Variants in NOX4 observed in about 807,000 individuals in gnomAD.
The protein encoded by NOX4 is NADPH oxidase 4.
A neutral mutation model predicts 87.6 loss-of-function variants in NOX4; 69 were observed. The ratio of observed to expected loss-of-function variants is 0.79; its 90% CI spans 0.65 to 0.96. The LOEUF is 0.96. Among genes scored for constraint, NOX4 ranks in the 40% least tolerant of loss-of-function variants. NOX4 has a pLI of 0.00. For synonymous variants in NOX4, 275 were observed against 238.2 expected (o/e 1.15, Z -1.42); for missense variants, 680 against 681.5 (o/e 1.00, Z 0.02).
intron 8 of NOX4, among the ~76,000 whole-genome samples, chr11:89,418,916 A>G (rs1942939191): frequency 6.6e-6 from 1 of 152,178 alleles, no homozygotes; most frequent in Non-Finnish European, 1.5e-5. Flanking sequence ...AAGTCTGCTT[A>G]GGTAGAAAAA....
chr11:89,578,029 T>A, the NOX4 span, among the ~76,000 whole-genome samples: 1 of 152,094 alleles, frequency 6.6e-6, no homozygotes, highest in Non-Finnish European at 1.5e-5. Flanking sequence ...ATACCGTATG[T>A]TTTCTTAGGG....
chr11:89,533,848 G>A, the NOX4 span: 1 of 152,154 alleles, frequency 6.6e-6, no homozygotes, highest in East Asian at 1.9e-4. Context: ...TCTATCCCAG[G>A]TTGTCTCTGC....
the NOX4 span, among the ~76,000 whole-genome samples, chr11:89,584,787 GTAT>G: frequency 6.6e-6 from 1 of 152,042 alleles, no homozygotes; most frequent in African/African-American, 2.4e-5. Context: ...ATAAGATAAT[GTAT>G]ATACATATAT....
rs565870712 is a variant in NOX4 at position 89,370,371 on chromosome 11, G to A, written c.1135+3061C>T. 1.8e-3 allele frequency among the ~76,000 whole-genome samples: 271 copies of A among 151,714 alleles called. 1 individual carries two copies. The highest frequency in any genetic ancestry group is 6.0e-3 in the African/African-American group (249 of 41,422). On this transcript the variant is annotated intron_variant, in intron 12 of 17. Transcript: ENST00000263317. ...AGAAAGTTTACATTAATTACATGTGGATGTTATGTATTTAATTCTGTTGTA... is the reference window on the plus strand; with the variant it reads ...AGAAAGTTTACATTAATTACATGTGAATGTTATGTATTTAATTCTGTTGTA...
chr11:89,434,415 G>C (rs941118063), intron 6 of NOX4, among the ~76,000 whole-genome samples: 1 of 151,870 alleles, frequency 6.6e-6, no homozygotes, highest in East Asian at 1.9e-4. Context: ...TCTTCTTTAC[G>C]CTTCCTTCCT....
intron 6 of NOX4, among the ~76,000 whole-genome samples, chr11:89,438,441 G>A (rs1415208425): frequency 2.1e-5 from 2 of 96,640 alleles, no homozygotes; most frequent in African/African-American, 4.6e-5. Flanking sequence ...TATATACTAT[G>A]TATATTATAT....
At chr11:89,562,507 A>G in the NOX4 span, among the ~76,000 whole-genome samples, 1 of 152,224 alleles carries the variant, frequency 6.6e-6, no homozygotes, top group Non-Finnish European at 1.5e-5. Flanking sequence ...TTTAAAAATC[A>G]GCTGATTTAT....
chr11:89,520,948 C>A, the NOX4 span, among the ~76,000 whole-genome samples: 4 of 152,092 alleles, frequency 2.6e-5, no homozygotes, highest in East Asian at 7.8e-4. Context: ...TTGCAATAGC[C>A]ACACACATAA....
intron 13 of NOX4, among the ~76,000 whole-genome samples, chr11:89,342,535 T>C (rs999177586): frequency 6.6e-6 from 1 of 152,166 alleles, no homozygotes; most frequent in African/African-American, 2.4e-5. Context: ...TTAGACTATA[T>C]ATGACTAAAT....
chr11:89,522,684 G>T, the NOX4 span, among the ~76,000 whole-genome samples: 1 of 152,056 alleles, frequency 6.6e-6, no homozygotes, highest in Non-Finnish European at 1.5e-5. Context: ...AAATATTTGA[G>T]GTTGATTCAG....
At chr11:89,486,995 C>T (rs1946653036) in intron 2 of NOX4, among the ~76,000 whole-genome samples, 1 of 151,814 alleles carries the variant, frequency 6.6e-6, no homozygotes, top group South Asian at 2.1e-4. Flanking sequence ...TTTTAATGTG[C>T]TACTAGAAAA....
In NOX4 at chr11:89,460,403, T is replaced by G. The variant is rs1488687310; in HGVS notation, c.154-8508A>C. The stretch of plus-strand genomic sequence containing the variant: ...TACGGAATGGGAGAAAATTTTTGCA[T>G]TCTACCTATCTGACAAAGGGCTAAT... On this transcript the variant is annotated intron_variant, in intron 2 of 17. Transcript: ENST00000263317. Among the ~76,000 whole-genome samples, 5 of 152,210 alleles carry G rather than the reference T, an allele frequency of 3.3e-5. No homozygotes were observed. The East Asian group carries it at 7.7e-4, about 24-fold the overall frequency.
intron 12 of NOX4, among the ~76,000 whole-genome samples, chr11:89,367,227 G>A (rs1939075149): frequency 6.6e-6 from 1 of 152,070 alleles, no homozygotes. Context: ...TCCTGACACA[G>A]ATCCATCTAG....
rs1449795818 is a variant in NOX4, at chr11:89,338,101, C to T, written c.1447-586G>A. ...CAACAACCCCTCACTTCCCCCTCCCCGAAGGCTTTGGCAACCTGAGAGGAT... is the reference window on the plus strand; with the variant it reads ...CAACAACCCCTCACTTCCCCCTCCCTGAAGGCTTTGGCAACCTGAGAGGAT... On this transcript the variant is annotated intron_variant, in intron 15 of 17. Coordinates refer to ENST00000263317, the MANE Select transcript of NOX4 (RefSeq NM_016931.5). Among the ~76,000 whole-genome samples, 5 of 151,192 alleles carry T rather than the reference C, an allele frequency of 3.3e-5. No homozygotes were observed. The East Asian group carries it at 7.7e-4, about 23-fold the overall frequency.
the NOX4 span, among the ~76,000 whole-genome samples, chr11:89,508,664 G>C: frequency 6.6e-6 from 1 of 152,010 alleles, no homozygotes; most frequent in African/African-American, 2.4e-5. Flanking sequence ...GAGAGGATGG[G>C]AGTAAAAAAG....
upstream of NOX4, chr11:89,491,624 C>T (rs1946860540): frequency 4.0e-6 from 1 of 250,914 alleles, no homozygotes; most frequent in East Asian, 9.2e-5. Flanking sequence ...AACTTGGAGG[C>T]GTCCCCCGCA....
At chr11:89,490,777 A>G (rs1565354429) in intron 1 of NOX4, 2 of 695,066 alleles carry the variant, frequency 2.9e-6, no homozygotes, top group South Asian at 1.5e-5. Flanking sequence ...TTGGGTTGCA[A>G]ATAGGTTTCC....
chr11:89,386,399 T>C (rs317173), intron 11 of NOX4, among the ~76,000 whole-genome samples: 8,268 of 152,224 alleles, frequency 0.054, 441 homozygotes, highest in African/African-American at 0.13. Context: ...TACCTCAAAC[T>C]GCCACCCTTA....
At chr11:89,573,927 C>A in the NOX4 span, among the ~76,000 whole-genome samples, 3 of 152,140 alleles carry the variant, frequency 2.0e-5, no homozygotes, top group African/African-American at 7.2e-5. Flanking sequence ...TACACATGCC[C>A]ATCTGAGGAT....
Sources: allele counts gnomAD v4.1 joint callset (sites outside exome capture counted in the v4.1 genomes callset), GRCh38; gene constraint gnomAD v4.1.1; transcripts MANE v1.5; gene names NCBI Gene and HGNC (gene_info 2026-07-23, HGNC 2026-07-21).